Variants in TECTA observed in about 807,000 individuals in gnomAD.
TECTA encodes tectorin alpha.
In TECTA, 128 loss-of-function variants were observed where a neutral mutation model predicts 216.8. That is an observed-to-expected ratio of 0.59 (90% CI 0.51 to 0.68). The LOEUF (loss-of-function observed/expected upper bound fraction) is 0.68, where lower values mean the gene tolerates loss of function less well. TECTA is among the 30% of genes least tolerant of loss of function. TECTA has a pLI of 0.00. For missense variants in TECTA, 2,551 were observed against 2,786.2 expected, an observed-to-expected ratio of 0.92 and a Z score of 1.90; for synonymous variants, 1,089 against 1,117.1, an observed-to-expected ratio of 0.97 and a Z score of 0.50.
At chr11:121,133,877 C>T (rs1231460247) in intron 10 of TECTA, among the ~76,000 whole-genome samples, 1 of 152,196 alleles carries the variant, frequency 6.6e-6, no homozygotes, top group Non-Finnish European at 1.5e-5. Context: ...ATAAGCAACC[C>T]ATGGGGAAAT....
intron 3 of TECTA, among the ~76,000 whole-genome samples, chr11:121,108,613 C>T (rs568325479): frequency 6.7e-6 from 1 of 149,516 alleles, no homozygotes; most frequent in East Asian, 2.0e-4. Flanking sequence ...CCCCCGTATA[C>T]ACACACACTC....
At chr11:121,163,480 A>AG (rs1158996352) in intron 16 of TECTA, among the ~76,000 whole-genome samples, 1 of 151,542 alleles carries the variant, frequency 6.6e-6, no homozygotes, top group Non-Finnish European at 1.5e-5. Flanking sequence ...GGATAGCATT[A>AG]GGAGATATAC....
chr11:121,140,387 C>T (rs1475184230), intron 11 of TECTA, among the ~76,000 whole-genome samples: 1 of 152,176 alleles, frequency 6.6e-6, no homozygotes, highest in African/African-American at 2.4e-5. Flanking sequence ...GGTTAGCTCT[C>T]CCTCCAGGCA....
rs573315194 is a variant in TECTA at position 121,116,910 on chromosome 11, A to G, written c.791-1396A>G. Among the ~76,000 whole-genome samples the G allele has an allele frequency of 3.3e-5, 5 of 152,278 alleles. No individual in the cohort carries two copies. In the South Asian group the frequency reaches 1.0e-3, roughly 32 times the overall value. ...GGACCTGTTTTCAGGGCTGATGCAC[A>G]TGACTTATTGGGAATGTGACTAAAT... is the stretch of plus-strand genomic sequence containing the variant. On this transcript the variant is annotated intron_variant, in intron 6 of 23. Transcript: ENST00000392793.
In TECTA at chr11:121,128,254, C is replaced by T. The variant is rs766377027; in HGVS notation, c.2277C>T (p.Pro759=). ...YLEIDINKKK[P]DAGPAWLRGL... ...AAATCGACATCAACAAGAAGAAGCC[C>T]GATGCAGGACCTGCTTGGCTGCGGG... Residue 759 remains proline, a synonymous_variant, in exon 9 of 24, where the codon CCC becomes CCT. Transcript: ENST00000392793. The T allele has an allele frequency of 4.7e-5, 76 of 1,600,082 alleles. No homozygotes were observed. In the East Asian group the frequency reaches 1.4e-3, roughly 29 times the overall value.
intron 20 of TECTA, among the ~76,000 whole-genome samples, chr11:121,183,177 A>G (rs546645687): frequency 6.6e-6 from 1 of 152,160 alleles, no homozygotes. Context: ...CATCCTTTTA[A>G]GTAGGCATGA....
Position 121,113,720 on chromosome 11 carries a change from TAAA to T in TECTA, c.790+3_790+5del, listed in dbSNP as rs1325391226. 1 of 1,613,140 alleles carries T rather than the reference TAAA, an allele frequency of 6.2e-7. No individual in the cohort carries two copies. The highest frequency in any genetic ancestry group is 8.5e-7 in the Non-Finnish European group (1 of 1,179,984). On this transcript the variant is annotated splice_donor_5th_base_variant and intron_variant, in intron 6 of 23. Transcript: ENST00000392793. The surrounding 1 kb of genome is among the most constrained non-coding windows in gnomAD (Gnocchi z 4.2). ...CAGCCAATGGCTGCACCTCAAGGGG[TAAA>T]GCTTTTCCTCTGTCTGTGGCAAGGC... is the stretch of plus-strand genomic sequence containing the variant.
chr11:121,137,263 CAT>C (rs1244989068), intron 10 of TECTA, among the ~76,000 whole-genome samples, 156 bp from the exon 11 acceptor site: 4 of 152,010 alleles, frequency 2.6e-5, no homozygotes, highest in Non-Finnish European at 5.9e-5. Context: ...TGCACACACA[CAT>C]GCATGCACAA....
At chr11:121,167,955 A>G (rs1034040091) in intron 18 of TECTA, 99 bp from the exon 19 acceptor site, 2 of 1,403,508 alleles carry the variant, frequency 1.4e-6, no homozygotes, top group East Asian at 2.3e-5. Flanking sequence ...TTATGTATGG[A>G]AGGAAGCCAT....
intron 7 of TECTA, 120 bp from the exon 8 acceptor site, chr11:121,125,182 C>T (rs1242963799): frequency 9.7e-6 from 10 of 1,035,112 alleles, no homozygotes; most frequent in Non-Finnish European, 1.3e-5. Context: ...GAGCCTGGAC[C>T]GTTTAGGTGG....
At chr11:121,117,375 G>C (rs1946511043) in intron 6 of TECTA, among the ~76,000 whole-genome samples, 1 of 152,100 alleles carries the variant, frequency 6.6e-6, no homozygotes, top group South Asian at 2.1e-4. Flanking sequence ...CAATCCCCCA[G>C]CAAGGACTAG....
chr11:121,129,982 GT>G lies in TECTA; in HGVS notation c.2716del (p.Tyr906IlefsTer25), dbSNP rs1459830519. 6.2e-7 allele frequency: 1 copy of G among 1,605,558 alleles called. No individual in the cohort carries two copies. Among genetic ancestry groups the G allele is most frequent in the Non-Finnish European group, 8.5e-7 (1 of 1,174,606 alleles). ...ACNNDSELLK[F>X]YRSRSRCGII... ...GCAACAATGACTCGGAGCTGCTCAA[GT>G]TTTATCGAAGCCGCTCCAGGTGCGG... On this transcript the variant is annotated frameshift_variant, in exon 10 of 24. Coordinates refer to ENST00000392793, the MANE Select transcript of TECTA (RefSeq NM_005422.4). LOFTEE classifies it high-confidence loss of function.
chr11:121,167,491 C>A (rs796554302), intron 18 of TECTA, among the ~76,000 whole-genome samples: 2 of 152,306 alleles, frequency 1.3e-5, no homozygotes, highest in African/African-American at 4.8e-5. Flanking sequence ...GAGGTCCCAA[C>A]TTTTAATGTC....
chr11:121,172,783 G>A (rs1362155697), intron 20 of TECTA, among the ~76,000 whole-genome samples: 2 of 152,100 alleles, frequency 1.3e-5, no homozygotes, highest in African/African-American at 2.4e-5. Flanking sequence ...TGCAAGGGTT[G>A]AACTAGTTTA....
At chr11:121,102,760 A>G (rs1214506278) in intron 2 of TECTA, 31 bp downstream of exon 2, 7 of 1,592,434 alleles carry the variant, frequency 4.4e-6, no homozygotes, top group East Asian at 2.2e-5. Context: ...TAAAGCTCTC[A>G]GTTAGCATGC....
intron 13 of TECTA, among the ~76,000 whole-genome samples, chr11:121,153,589 C>T (rs1406123620): frequency 2.0e-5 from 3 of 152,172 alleles, no homozygotes; most frequent in East Asian, 1.9e-4. Context: ...GCCATCTCCA[C>T]GTGTGCCATT....
In TECTA at chr11:121,138,000, G is replaced by C. The variant is rs143649634; in HGVS notation, c.3521G>C (p.Arg1174Pro). 1 of 1,613,760 alleles carries C rather than the reference G, an allele frequency of 6.2e-7. No homozygotes were observed. The highest frequency in any genetic ancestry group is 8.5e-7 in the Non-Finnish European group (1 of 1,179,706). ...TTTGGCTACAGCATCGTGATCCACCGAGCTTACAAGCACACTGTGCTGGTG... is the reference window on the plus strand; with the variant it reads ...TTTGGCTACAGCATCGTGATCCACCCAGCTTACAAGCACACTGTGCTGGTG... ...TVFGYSIVIH[R>P]AYKHTVLVNS... Residue 1174 changes from arginine to proline, a missense_variant, in exon 11 of 24, where the codon CGA (arginine) becomes CCA (proline). Around this residue, in one of 3 missense-constraint regions of TECTA, gnomAD observed 2,375 missense variants for 2,563.9 expected, o/e 0.93. Transcript: ENST00000392793.
In TECTA at chr11:121,165,316, C is replaced by T; in HGVS notation, c.5316C>T (p.Asn1772=). Residue 1772 remains asparagine (N), a synonymous_variant, in exon 17 of 24, where the codon AAC becomes AAT. Coordinates refer to ENST00000392793, the MANE Select transcript of TECTA (RefSeq NM_005422.4). ...CCTGTGTGGGGGCGGACTGTCCCAACCGAACTTGCGAGCTGGGCAATGGCA... is the reference window on the plus strand; with the variant it reads ...CCTGTGTGGGGGCGGACTGTCCCAATCGAACTTGCGAGCTGGGCAATGGCA... The part of the protein sequence containing the change: ...EDPCVGADCP[N]RTCELGNGRE... The T allele has an allele frequency of 6.2e-7, 1 of 1,608,908 alleles. No homozygotes were observed. Among genetic ancestry groups the T allele is most frequent in the Non-Finnish European group, 8.5e-7 (1 of 1,177,872 alleles).
chr11:121,142,829 C>T (rs1442104641), intron 11 of TECTA, among the ~76,000 whole-genome samples: 2 of 152,144 alleles, frequency 1.3e-5, no homozygotes, highest in Non-Finnish European at 2.9e-5. Flanking sequence ...GCCGCTCTTC[C>T]TGTGCCACCT....
Sources: allele counts gnomAD v4.1 joint callset (sites outside exome capture counted in the v4.1 genomes callset), GRCh38; gene constraint gnomAD v4.1.1; regional missense constraint gnomAD v4.1.1; non-coding constraint Gnocchi (gnomAD v3.1); transcripts MANE v1.5; gene names NCBI Gene and HGNC (gene_info 2026-07-23, HGNC 2026-07-21).